PTPRG: variants seen among roughly 807,000 people sequenced by gnomAD.
PTPRG encodes the protein receptor-type tyrosine-protein phosphatase gamma.
Under a neutral mutation model 165.3 loss-of-function variants are expected in PTPRG, and 102 were observed. That is an observed-to-expected ratio of 0.62 (90% CI 0.53 to 0.73). The LOEUF (loss-of-function observed/expected upper bound fraction) is 0.73, where lower values mean the gene tolerates loss of function less well. Ranked by LOEUF, PTPRG falls within the 30% of genes least tolerant of loss-of-function variation. The probability of loss-of-function intolerance (pLI) is 0.00; values close to 1 mark genes in which losing one functional copy is unlikely to be tolerated. For synonymous variants in PTPRG, 675 were observed against 669.5 expected, an observed-to-expected ratio of 1.01 and a Z score of -0.13; for missense variants, 1,866 against 1,861.4, an observed-to-expected ratio of 1.00 and a Z score of -0.05.
At chr3:62,067,696 C>T (rs1267815542) in intron 4 of PTPRG, among the ~76,000 whole-genome samples, 1 of 152,106 alleles carries the variant, frequency 6.6e-6, no homozygotes, top group African/African-American at 2.4e-5. Context: ...GGATTCCTTG[C>T]ATGCGCAGTT....
At chr3:61,615,329 G>A (rs1424693778) in intron 1 of PTPRG, among the ~76,000 whole-genome samples, 2 of 152,202 alleles carry the variant, frequency 1.3e-5, no homozygotes, top group Non-Finnish European at 2.9e-5. Flanking sequence ...CTATGACCTC[G>A]ATACTTTTGA....
chr3:61,562,207 A>T lies in PTPRG; in HGVS notation c.-81A>T. ...GCGAGCCGGGGAAGCGCCCCGGCTT[A>T]GCGGAGGCTCGCACGGAGGCAAGAA... On this transcript the variant is annotated 5_prime_UTR_variant, in exon 1 of 30. Coordinates refer to ENST00000474889, the MANE Select transcript of PTPRG (RefSeq NM_002841.4). 7.6e-7 allele frequency: 1 copy of T among 1,315,746 alleles called. No individual in the cohort carries two copies. The highest frequency in any genetic ancestry group is 1.1e-6 in the Non-Finnish European group (1 of 919,364). The allele number at this position is 1,315,746 out of a possible 1,614,324, so 81.5% of individuals were successfully genotyped here.
intron 4 of PTPRG, among the ~76,000 whole-genome samples, chr3:62,072,609 A>ATGTGTGTGTGTGTGTG (rs1174208882): frequency 2.1e-5 from 3 of 141,154 alleles, no homozygotes; most frequent in African/African-American, 8.5e-5. Flanking sequence ...GAGAATATAT[A>ATGTGTGTGTGTGTGTG]TGTGTATGTG....
chr3:61,562,301 T>G lies in PTPRG; in HGVS notation c.14T>G (p.Leu5Arg). The change falls in exon 1 of 30, where the codon CTG (leucine) becomes CGG (arginine). Residue 5 changes from leucine (L) to arginine (R), a missense_variant. Leu to Arg is a moderately radical substitution (Grantham distance 102, BLOSUM62 -2). Transcript: ENST00000474889. MRRL[L>R]EPCWWILFLK... ...GCGTTTTCGGACATGCGGAGGTTAC[T>G]GGAACCGTGTTGGTGGATTTTGTTC... 6.2e-7 allele frequency: 1 copy of G among 1,613,692 alleles called. No individual in the cohort carries two copies. Among genetic ancestry groups the G allele is most frequent in the Admixed American group, 1.7e-5 (1 of 60,018 alleles).
chr3:62,131,304 T>C (rs1296700349), intron 5 of PTPRG, among the ~76,000 whole-genome samples: 1 of 152,076 alleles, frequency 6.6e-6, no homozygotes, highest in Non-Finnish European at 1.5e-5. Context: ...TGTAGGGCAA[T>C]ATCTCCCCCA....
At chr3:62,035,134 G>A (rs1053529240) in intron 4 of PTPRG, among the ~76,000 whole-genome samples, 1 of 152,172 alleles carries the variant, frequency 6.6e-6, no homozygotes, top group African/African-American at 2.4e-5. Flanking sequence ...TGAACACCGA[G>A]TCTCTGTTTG....
intron 2 of PTPRG, among the ~76,000 whole-genome samples, chr3:61,937,188 C>G (rs559230393): frequency 6.6e-6 from 1 of 152,274 alleles, no homozygotes; most frequent in East Asian, 1.9e-4. Context: ...TCAAGGAGAC[C>G]TAACCTGTGT....
In PTPRG at chr3:61,822,700, T is replaced by C. The variant is rs376575811; in HGVS notation, c.190+73718T>C. Among the ~76,000 whole-genome samples the C allele has an allele frequency of 9.8e-4, 149 of 152,324 alleles. 6 individuals are homozygous for C. The South Asian group carries it at 0.029, about 29-fold the overall frequency. ...ATTTAAGCAAGGAGGAATTTTCCAATGTGAAGCTATTTTTACATGGCCATT... is the reference window on the plus strand; with the variant it reads ...ATTTAAGCAAGGAGGAATTTTCCAACGTGAAGCTATTTTTACATGGCCATT... On this transcript the variant is annotated intron_variant, in intron 2 of 29. Coordinates refer to ENST00000474889, the MANE Select transcript of PTPRG (RefSeq NM_002841.4).
intron 8 of PTPRG, among the ~76,000 whole-genome samples, chr3:62,169,943 G>T (rs147897695): frequency 5.3e-5 from 8 of 152,160 alleles, no homozygotes; most frequent in African/African-American, 1.4e-4. Context: ...TTGATGATAT[G>T]AAAGAGCCCA....
intron 2 of PTPRG, among the ~76,000 whole-genome samples, chr3:61,778,157 G>A (rs1387023301): frequency 1.3e-5 from 2 of 152,170 alleles, no homozygotes; most frequent in African/African-American, 4.8e-5. Flanking sequence ...TGGACAAAAC[G>A]CTCAGAAAAG....
At chr3:62,059,640 C>T (rs1270896439) in intron 4 of PTPRG, among the ~76,000 whole-genome samples, 1 of 152,180 alleles carries the variant, frequency 6.6e-6, no homozygotes, top group African/African-American at 2.4e-5. Context: ...GAGTTCAAGA[C>T]CGGCCTGAGA....
chr3:61,601,932 T>C (rs1034150066), intron 1 of PTPRG, among the ~76,000 whole-genome samples: 7 of 152,220 alleles, frequency 4.6e-5, no homozygotes, highest in Admixed American at 1.3e-4. Flanking sequence ...CTCACTCTCA[T>C]GCGTGGTTTC....
At position 61,697,442 on chromosome 3, in the gene PTPRG, T is replaced by A. The variant is rs183268333; in HGVS notation, c.86-51436T>A. Among the ~76,000 whole-genome samples the A allele has an allele frequency of 9.2e-5, 14 of 152,270 alleles. No individual in the cohort carries two copies. The East Asian group carries it at 2.5e-3, about 27-fold the overall frequency. Reference sequence around the variant, plus strand: ...CTTAGAAAGCTTCTTACAAAATAAATGCAATGGTCTTAGAAGTCTCATTAA... The same window carrying A: ...CTTAGAAAGCTTCTTACAAAATAAAAGCAATGGTCTTAGAAGTCTCATTAA... On this transcript the variant is annotated intron_variant, in intron 1 of 29. Transcript: ENST00000474889.
Position 62,213,843 on chromosome 3 carries a change from T to C in PTPRG, c.2156-5008T>C, listed in dbSNP as rs897479815. Among the ~76,000 whole-genome samples, 2 of 152,140 alleles carry C rather than the reference T, an allele frequency of 1.3e-5. No individual in the cohort carries two copies. The highest frequency in any genetic ancestry group is 4.8e-5 in the African/African-American group (2 of 41,432). Reference sequence around the variant, plus strand: ...GTAGTCCTAGCAGCTTGCTGTTTTATTAGGGCCACAAATTGAGTCAGGGAG... The same window carrying C: ...GTAGTCCTAGCAGCTTGCTGTTTTACTAGGGCCACAAATTGAGTCAGGGAG... On this transcript the variant is annotated intron_variant, in intron 12 of 29. Transcript: ENST00000474889. This position sits in a 1 kb window ranked among gnomAD's most constrained non-coding sequence, Gnocchi z 4.4.
chr3:61,802,987 C>T (rs936389893), intron 2 of PTPRG, among the ~76,000 whole-genome samples: 4 of 152,212 alleles, frequency 2.6e-5, no homozygotes, highest in Non-Finnish European at 5.9e-5. Flanking sequence ...CCTGGGTAGG[C>T]AAACTAGGGC....
At position 61,771,902 on chromosome 3, in the gene PTPRG, A is replaced by T. The variant is rs1575651062; in HGVS notation, c.190+22920A>T. 2.6e-5 allele frequency among the ~76,000 whole-genome samples: 4 copies of T among 151,908 alleles called. No homozygotes were observed. The South Asian group carries it at 8.3e-4, about 32-fold the overall frequency. ...TGGTGAAAACCTGTCTCTACTAAAA[A>T]TACAAAAATTAACCAGGCATGGTGG... is the stretch of plus-strand genomic sequence containing the variant. On this transcript the variant is annotated intron_variant, in intron 2 of 29. Coordinates refer to ENST00000474889, the MANE Select transcript of PTPRG (RefSeq NM_002841.4).
intron 2 of PTPRG, among the ~76,000 whole-genome samples, chr3:61,939,848 A>C (rs900854372): frequency 4.0e-5 from 6 of 149,506 alleles, no homozygotes; most frequent in Non-Finnish European, 7.4e-5. Flanking sequence ...GGAGAAAGAG[A>C]GTAACATTTT....
At chr3:62,009,638 G>C (rs1408063071) in intron 4 of PTPRG, among the ~76,000 whole-genome samples, 1 of 152,124 alleles carries the variant, frequency 6.6e-6, no homozygotes, top group Non-Finnish European at 1.5e-5. Context: ...ATGACCCCTA[G>C]GTTATGGCTC....
chr3:61,934,015 G>A (rs570788767), intron 2 of PTPRG, among the ~76,000 whole-genome samples: 3 of 152,282 alleles, frequency 2.0e-5, no homozygotes, highest in Admixed American at 6.5e-5. Flanking sequence ...CTGTGTTTTC[G>A]TGTCTGAATA....
Sources: allele counts gnomAD v4.1 joint callset (sites outside exome capture counted in the v4.1 genomes callset), GRCh38; gene constraint gnomAD v4.1.1; non-coding constraint Gnocchi (gnomAD v3.1); transcripts MANE v1.5; gene names NCBI Gene and HGNC (gene_info 2026-07-23, HGNC 2026-07-21).